The following ANKRD18A variants were observed in gnomAD, a reference collection of about 807,000 sequenced individuals.
The protein encoded by ANKRD18A is ankyrin repeat domain 18A.
A neutral mutation model predicts 110.6 loss-of-function variants in ANKRD18A; 72 were observed. The observed-to-expected ratio is 0.65, with a 90% CI of 0.54 to 0.79. ANKRD18A has a LOEUF of 0.79. ANKRD18A is among the 30% of genes least tolerant of loss of function. The pLI is 0.00. For synonymous variants in ANKRD18A, 305 were observed against 410.3 expected (o/e 0.74, Z 3.10); for missense variants, 934 against 1,163.3 (o/e 0.80, Z 2.87).
downstream of ANKRD18A, chr9:38,568,959 C>A (rs1823544080): frequency 9.1e-6 from 9 of 985,426 alleles, no homozygotes; most frequent in Non-Finnish European, 1.1e-5. Context: ...CACGTTCACC[C>A]TTCCCTCCAG....
intron 14 of ANKRD18A, among the ~76,000 whole-genome samples, chr9:38,576,345 A>C (rs372865328): frequency 0.02 from 3,113 of 152,228 alleles, 88 homozygotes; most frequent in African/African-American, 0.061. Flanking sequence ...AAAAGAACTA[A>C]AGCATCTCTG....
chr9:38,603,177 T>G lies in ANKRD18A; in HGVS notation c.844A>C (p.Arg282=). ...AAMKPANLKK[R]KERAKAEHNL... The stretch of plus-strand genomic sequence containing the variant: ...GTCTTACCTTTTGCACGTTCTTTTC[T>G]TTTTTTCAAATTTGCAGGCTTCATA... Residue 282 remains arginine, a synonymous_variant, in exon 7 of 16, where the codon AGA becomes CGA. Coordinates refer to ENST00000399703, the MANE Select transcript of ANKRD18A (RefSeq NM_147195.4). 7.1e-6 allele frequency: 11 copies of G among 1,551,030 alleles called. No homozygotes were observed. Among genetic ancestry groups the G allele is most frequent in the Non-Finnish European group, 8.7e-6 (10 of 1,146,560 alleles).
intron 12 of ANKRD18A, among the ~76,000 whole-genome samples, 158 bp downstream of exon 12, chr9:38,586,025 T>A (rs567378491): frequency 1.8e-4 from 27 of 152,188 alleles, no homozygotes; most frequent in African/African-American, 6.3e-4. Context: ...AGGGAGAGCA[T>A]CAAGATTAAT....
At position 38,571,792 on chromosome 9, in the gene ANKRD18A, G is replaced by A. The variant is rs1823654896; in HGVS notation, c.*253C>T. On this transcript the variant is annotated 3_prime_UTR_variant, in exon 16 of 16. Transcript: ENST00000399703. ...TTGCAAGATCCACTTAAAACTTAAG[G>A]AGGCTAAAAAACATCATTTAAAATA... is the stretch of plus-strand genomic sequence containing the variant. 1 of 1,127,352 alleles carries A rather than the reference G, an allele frequency of 8.9e-7. No homozygotes were observed. Among genetic ancestry groups the A allele is most frequent in the East Asian group, 5.2e-5 (1 of 19,196 alleles). The allele number at this position is 1,127,352 out of a possible 1,614,324, so 69.8% of individuals were successfully genotyped here.
At chr9:38,584,442 T>G (rs1372677177) in intron 12 of ANKRD18A, among the ~76,000 whole-genome samples, 1 of 152,192 alleles carries the variant, frequency 6.6e-6, no homozygotes, top group Non-Finnish European at 1.5e-5. Context: ...GGGGTTTGTT[T>G]TTAGGGTGAT....
At position 38,575,550 on chromosome 9, in the gene ANKRD18A, T is replaced by A. The variant is rs1041091636; in HGVS notation, c.2890A>T (p.Ile964Phe). The A allele has an allele frequency of 5.3e-5, 83 of 1,551,464 alleles. No homozygotes were observed. Among genetic ancestry groups the A allele is most frequent in the Non-Finnish European group, 7.2e-5 (82 of 1,146,820 alleles). Reference protein sequence around the residue: ...LNSIELNRKYIPKTAIRIPTS... With the variant: ...LNSIELNRKYFPKTAIRIPTS... ...GGAATTCTTATGGCCGTTTTGGGAATATATTTTCTGTTGAGTTCTATACTA... is the reference window on the plus strand; with the variant it reads ...GGAATTCTTATGGCCGTTTTGGGAAAATATTTTCTGTTGAGTTCTATACTA... Residue 964 changes from isoleucine (I) to phenylalanine (F), a missense_variant, in exon 15 of 16, where the codon ATT (isoleucine) becomes TTT (phenylalanine). Ile to Phe is a conservative substitution (Grantham distance 21). This residue lies in a region of ANKRD18A where 223 missense variants were observed against 226.7 expected (regional missense o/e 0.98). Coordinates refer to ENST00000399703, the MANE Select transcript of ANKRD18A (RefSeq NM_147195.4).
intron 2 of ANKRD18A, 56 bp from the exon 3 acceptor site, chr9:38,615,823 T>A: frequency 1.3e-6 from 2 of 1,552,858 alleles, no homozygotes; most frequent in South Asian, 2.4e-5. Context: ...AAAATACATA[T>A]TCCACAGGTT....
At chr9:38,601,710 G>C (rs1825122712) in intron 7 of ANKRD18A, among the ~76,000 whole-genome samples, 1 of 152,028 alleles carries the variant, frequency 6.6e-6, no homozygotes, top group Admixed American at 6.6e-5. Flanking sequence ...TCAGAATGTA[G>C]GCTGGGCACG....
At chr9:38,570,481 C>T (rs1157376601), downstream of ANKRD18A, among the ~76,000 whole-genome samples, 3 of 152,196 alleles carry the variant, frequency 2.0e-5, no homozygotes, top group African/African-American at 7.2e-5. Flanking sequence ...AATAAGAGCA[C>T]CACTGACCAG....
At position 38,611,275 on chromosome 9, in the gene ANKRD18A, T is replaced by A; in HGVS notation, c.542A>T (p.His181Leu). 6.5e-7 allele frequency: 1 copy of A among 1,533,152 alleles called. No homozygotes were observed. The highest frequency in any genetic ancestry group is 8.8e-7 in the Non-Finnish European group (1 of 1,140,834). 95.0% of individuals were successfully genotyped at this position (1,533,152 alleles called of 1,614,324 possible). A position where few individuals can be genotyped will look rare whatever the true frequency, so the allele number is the denominator to read the frequency against. ...GTTCTTCAATAAAAATTCCACCATATGCTGTCTCCTGGAATTTATAGCAAA... is the reference window on the plus strand; with the variant it reads ...GTTCTTCAATAAAAATTCCACCATAAGCTGTCTCCTGGAATTTATAGCAAA... Reference protein sequence around the residue: ...LLFAINSRRQHMVEFLLKNQA... With the variant: ...LLFAINSRRQLMVEFLLKNQA... The change falls in exon 4 of 16, where the codon CAT (histidine) becomes CTT (leucine). Residue 181 changes from histidine to leucine, a missense_variant. Transcript: ENST00000399703.
intron 6 of ANKRD18A, among the ~76,000 whole-genome samples, 197 bp from the exon 7 acceptor site, chr9:38,603,409 T>C (rs1481460244): frequency 6.6e-6 from 1 of 152,166 alleles, no homozygotes; most frequent in Non-Finnish European, 1.5e-5. Context: ...AAATAATAAC[T>C]ATAGGCTCCC....
At chr9:38,580,251 T>A (rs1824098481) in intron 12 of ANKRD18A, among the ~76,000 whole-genome samples, 1 of 152,040 alleles carries the variant, frequency 6.6e-6, no homozygotes, top group South Asian at 2.1e-4. Context: ...AAGTAAAAAA[T>A]CAGACAGGTG....
At chr9:38,609,940 CAA>C (rs1312973805) in intron 5 of ANKRD18A, among the ~76,000 whole-genome samples, 24 of 91,058 alleles carry the variant, frequency 2.6e-4, no homozygotes, top group Non-Finnish European at 3.8e-4. Flanking sequence ...GACCTTGTCT[CAA>C]AAAAAAAAAA....
At chr9:38,580,985 T>C (rs947356567) in intron 12 of ANKRD18A, among the ~76,000 whole-genome samples, 59 of 152,200 alleles carry the variant, frequency 3.9e-4, no homozygotes, top group Non-Finnish European at 5.9e-5. Context: ...GCATCAACCA[T>C]CAAACACATG....
chr9:38,589,442 G>C (rs1824536359), intron 10 of ANKRD18A, among the ~76,000 whole-genome samples: 1 of 152,234 alleles, frequency 6.6e-6, no homozygotes, highest in African/African-American at 2.4e-5. Flanking sequence ...CCTAAGTTAT[G>C]AACCTGTCAC....
intron 5 of ANKRD18A, among the ~76,000 whole-genome samples, chr9:38,608,814 A>G (rs557067464): frequency 6.6e-6 from 1 of 151,466 alleles, no homozygotes; most frequent in African/African-American, 2.4e-5. Context: ...TGAGGGGCCA[A>G]CTCCAAGTTG....
chr9:38,612,717 C>T (rs1463365269), intron 3 of ANKRD18A, among the ~76,000 whole-genome samples: 1 of 151,932 alleles, frequency 6.6e-6, no homozygotes, highest in Non-Finnish European at 1.5e-5. Context: ...TAGGGTTTCA[C>T]CGTGTTAGCC....
chr9:38,575,300 G>A (rs1296251186), intron 15 of ANKRD18A, among the ~76,000 whole-genome samples, 176 bp downstream of exon 15: 1 of 152,186 alleles, frequency 6.6e-6, no homozygotes, highest in East Asian at 1.9e-4. Context: ...TCTTGAAAAT[G>A]AGAGCTCCAG....
Position 38,577,120 on chromosome 9 carries a change from C to A in ANKRD18A, c.2674G>T (p.Glu892Ter). 1 of 1,549,446 alleles carries A rather than the reference C, an allele frequency of 6.5e-7. No homozygotes were observed. Among genetic ancestry groups the A allele is most frequent in the African/African-American group, 1.4e-5 (1 of 73,076 alleles). ...CCTGCAAAGGCTTCCTTAAATTCTTCTAATTCAGTTGTAACCTCTTCATAA... is the reference window on the plus strand; with the variant it reads ...CCTGCAAAGGCTTCCTTAAATTCTTATAATTCAGTTGTAACCTCTTCATAA... ...TAYEEVTTEL[E>*]EFKEAFAGAV... Residue 892 changes from glutamate (E) to a stop codon, truncating the protein, a stop_gained, in exon 14 of 16, where the codon GAA (glutamate) becomes TAA (stop). Transcript: ENST00000399703. LOFTEE classifies it high-confidence loss of function.
Sources: gnomAD v4.1 joint callset for allele counts (sites outside exome capture counted in the v4.1 genomes callset) on GRCh38, gnomAD v4.1.1 for gene constraint, gnomAD v4.1.1 regional missense constraint, MANE v1.5 for transcripts, NCBI Gene and HGNC (gene_info 2026-07-23, HGNC 2026-07-21) for gene names.